Variants in AKAP6 observed in about 807,000 individuals in gnomAD.
The protein encoded by AKAP6 is A-kinase anchoring protein 6.
Under a neutral mutation model 188.5 loss-of-function variants are expected in AKAP6, and 58 were observed. That is an observed-to-expected ratio of 0.31 (90% CI 0.25 to 0.38). AKAP6 has a LOEUF of 0.38. AKAP6 is among the 10% of genes least tolerant of loss of function. AKAP6 has a pLI of 1.00. For synonymous variants in AKAP6, 989 were observed against 998.6 expected (o/e 0.99, Z 0.18); for missense variants, 2,710 against 2,740.0 (o/e 0.99, Z 0.24).
chr14:32,559,950 A>G (rs1316661833), intron 4 of AKAP6, among the ~76,000 whole-genome samples: 1 of 152,142 alleles, frequency 6.6e-6, no homozygotes, highest in East Asian at 1.9e-4. Context: ...AAAGAAATAG[A>G]TAGGTGGGAG....
intron 1 of AKAP6, among the ~76,000 whole-genome samples, chr14:32,416,526 A>C (rs1889662773): frequency 6.6e-6 from 1 of 152,088 alleles, no homozygotes; most frequent in African/African-American, 2.4e-5. Context: ...AAAATTTTAA[A>C]ACTTTCATAA....
intron 2 of AKAP6, among the ~76,000 whole-genome samples, chr14:32,490,246 T>C (rs559845357): frequency 2.9e-4 from 44 of 152,050 alleles, no homozygotes; most frequent in Middle Eastern, 3.4e-3. Context: ...GATGTATATG[T>C]GCAGGTCACA....
At chr14:32,428,060 A>T (rs1405231483) in intron 1 of AKAP6, among the ~76,000 whole-genome samples, 1 of 152,204 alleles carries the variant, frequency 6.6e-6, no homozygotes, top group Non-Finnish European at 1.5e-5. Flanking sequence ...TGGAAAGAAC[A>T]GTTTCTTGCT....
At chr14:32,337,668 C>T (rs1265033544) in intron 1 of AKAP6, among the ~76,000 whole-genome samples, 1 of 151,656 alleles carries the variant, frequency 6.6e-6, no homozygotes, top group Non-Finnish European at 1.5e-5. Flanking sequence ...ATGTGCTGCA[C>T]CCATTAACTC....
At chr14:32,735,621 T>TTCGA in intron 10 of AKAP6, 37 bp from the exon 11 acceptor site, 2 of 1,443,082 alleles carry the variant, frequency 1.4e-6, no homozygotes, top group South Asian at 2.6e-5. Context: ...TTTTTGTTTG[T>TTCGA]TTGTTTTATT....
chr14:32,489,098 G>C (rs901348967), intron 2 of AKAP6, among the ~76,000 whole-genome samples: 1 of 152,092 alleles, frequency 6.6e-6, no homozygotes, highest in Non-Finnish European at 1.5e-5. Flanking sequence ...GATGAATTTA[G>C]GTAGACTTGA....
intron 11 of AKAP6, among the ~76,000 whole-genome samples, chr14:32,742,162 T>C (rs1327039431): frequency 6.6e-6 from 1 of 152,008 alleles, no homozygotes; most frequent in African/African-American, 2.4e-5. Flanking sequence ...TATTGGCGTA[T>C]AGTTGCTCAT....
chr14:32,546,463 A>T lies in AKAP6; in HGVS notation c.1810A>T (p.Lys604Ter). 1.2e-6 allele frequency: 2 copies of T among 1,614,176 alleles called. No individual in the cohort carries two copies. The highest frequency in any genetic ancestry group is 1.3e-5 in the African/African-American group (1 of 75,038). Residue 604 changes from lysine to a stop codon, truncating the protein, a stop_gained, in exon 4 of 14, where the codon AAA (lysine) becomes TAA (stop). Transcript: ENST00000280979. LOFTEE classifies it high-confidence loss of function. ...GCCACTTCTTTCAAAACACAAAAGC[A>T]AAAAAGGTCAAGCCTCCTCTCCAAG... is the stretch of plus-strand genomic sequence containing the variant. ...PVPLLSKHKSKKGQASSPSHV... is the reference protein window; with the variant it reads ...PVPLLSKHKS
intron 2 of AKAP6, chr14:32,495,202 T>C (rs1183541454): frequency 6.6e-6 from 1 of 152,210 alleles, no homozygotes; most frequent in Non-Finnish European, 1.5e-5. Context: ...AGATTCTGTT[T>C]GTAAAGCTGG....
Position 32,748,506 on chromosome 14 carries a change from A to G in AKAP6, c.3372+12624A>G, listed in dbSNP as rs369530933. Among the ~76,000 whole-genome samples the G allele has an allele frequency of 9.2e-5, 14 of 152,344 alleles. No homozygotes were observed. The South Asian group carries it at 2.9e-3, about 32-fold the overall frequency. On this transcript the variant is annotated intron_variant, in intron 11 of 13. Transcript: ENST00000280979. ...CATGAAACTGTACTTTCAAAAAAGC[A>G]TTAACATTTAATAAAGCAGGGTTAT... is the stretch of plus-strand genomic sequence containing the variant.
chr14:32,643,318 T>C (rs571822096), intron 7 of AKAP6, among the ~76,000 whole-genome samples: 1 of 152,134 alleles, frequency 6.6e-6, no homozygotes, highest in South Asian at 2.1e-4. Context: ...TTCTTTTCTT[T>C]TTTTTTTTAG....
chr14:32,829,937 A>T lies in AKAP6; in HGVS notation c.*132A>T. 1 of 702,676 alleles carries T rather than the reference A, an allele frequency of 1.4e-6. No homozygotes were observed. The highest frequency in any genetic ancestry group is 2.6e-6 in the Non-Finnish European group (1 of 384,786). 43.5% of individuals were successfully genotyped at this position (702,676 alleles called of 1,614,324 possible). ...CACGTTTGTCACTGCCGTTTATTAC[A>T]TTGACTTCTCCCAAGATGAATCTTC... On this transcript the variant is annotated 3_prime_UTR_variant, in exon 14 of 14. Coordinates refer to ENST00000280979, the MANE Select transcript of AKAP6 (RefSeq NM_004274.5).
intron 2 of AKAP6, among the ~76,000 whole-genome samples, chr14:32,479,047 A>G (rs1879209200): frequency 1.3e-5 from 2 of 152,190 alleles, no homozygotes; most frequent in Admixed American, 1.3e-4. Flanking sequence ...AAGGAATTCC[A>G]TTGACTCAGG....
chr14:32,643,719 G>A (rs186500404), intron 7 of AKAP6, among the ~76,000 whole-genome samples: 3 of 152,150 alleles, frequency 2.0e-5, no homozygotes, highest in Admixed American at 6.5e-5. Flanking sequence ...TTTAACAAGA[G>A]TTACAGGTTT....
At chr14:32,426,796 G>A (rs117158584) in intron 1 of AKAP6, among the ~76,000 whole-genome samples, 281 of 152,280 alleles carry the variant, frequency 1.8e-3, no homozygotes, top group Non-Finnish European at 3.5e-3. Flanking sequence ...GAGGCATGAT[G>A]ACTATCTGAG....
chr14:32,575,369 A>G (rs118146453), intron 4 of AKAP6, among the ~76,000 whole-genome samples: 3,711 of 152,234 alleles, frequency 0.024, 78 homozygotes, highest in Non-Finnish European at 0.039. Context: ...AAGGGAATAC[A>G]TTGTATGAAA....
At chr14:32,726,951 A>G (rs901530151) in intron 9 of AKAP6, among the ~76,000 whole-genome samples, 1 of 152,226 alleles carries the variant, frequency 6.6e-6, no homozygotes, top group Non-Finnish European at 1.5e-5. Context: ...TGCTGGGAAT[A>G]TGACTGTTTT....
At chr14:32,471,173 G>A (rs955807092) in intron 2 of AKAP6, among the ~76,000 whole-genome samples, 14 of 152,050 alleles carry the variant, frequency 9.2e-5, no homozygotes, top group African/African-American at 3.4e-4. Flanking sequence ...AAACTTCAAG[G>A]CAGTTTTGTA....
At chr14:32,610,809 C>A (rs1159948533) in intron 7 of AKAP6, among the ~76,000 whole-genome samples, 3 of 152,166 alleles carry the variant, frequency 2.0e-5, no homozygotes, top group Non-Finnish European at 4.4e-5. Context: ...CTTGAGCATA[C>A]AGTATCCATG....
Sources: allele counts gnomAD v4.1 joint callset (sites outside exome capture counted in the v4.1 genomes callset), GRCh38; gene constraint gnomAD v4.1.1; transcripts MANE v1.5; gene names NCBI Gene and HGNC (gene_info 2026-07-23, HGNC 2026-07-21).